The following TATDN1 variants were observed in gnomAD, a reference collection of about 807,000 sequenced individuals.
TATDN1 encodes deoxyribonuclease TATDN1.
Under a neutral mutation model 46.4 loss-of-function variants are expected in TATDN1, and 40 were observed. The observed-to-expected ratio is 0.86, with a 90% CI of 0.67 to 1.12. The LOEUF (loss-of-function observed/expected upper bound fraction) is 1.12, where lower values mean the gene tolerates loss of function less well. TATDN1 is among the 50% of genes most tolerant of loss of function. The probability of loss-of-function intolerance (pLI) is 0.00; values close to 1 mark genes in which losing one functional copy is unlikely to be tolerated. For missense variants in TATDN1, 326 were observed against 348.4 expected (o/e 0.94, Z 0.51); for synonymous variants, 95 against 105.6 (o/e 0.90, Z 0.62).
intron 9 of TATDN1, chr8:124,503,862 C>A (rs1301096212): frequency 7.9e-7 from 1 of 1,272,286 alleles, no homozygotes; most frequent in Non-Finnish European, 1.0e-6. Flanking sequence ...TTCTTTGAGC[C>A]TCGGTTTCTT....
chr8:124,506,443 G>A (rs1017542584), intron 8 of TATDN1, among the ~76,000 whole-genome samples: 2 of 151,598 alleles, frequency 1.3e-5, no homozygotes, highest in Non-Finnish European at 2.9e-5. Flanking sequence ...TAATCCCAAC[G>A]GCATTAGTTA....
chr8:124,498,648 T>G lies in TATDN1; in HGVS notation c.594-3106A>C, dbSNP rs186778777. ...CTAAGCTTTCTCTTTCAGTTTCACCTGTCTTCAGAAATCTACAGAACAGAC... is the reference window on the plus strand; with the variant it reads ...CTAAGCTTTCTCTTTCAGTTTCACCGGTCTTCAGAAATCTACAGAACAGAC... On this transcript the variant is annotated intron_variant, in intron 9 of 11. Transcript: ENST00000276692. Among the ~76,000 whole-genome samples the G allele has an allele frequency of 2.6e-5, 4 of 152,260 alleles. No individual in the cohort carries two copies. The East Asian group carries it at 7.7e-4, about 29-fold the overall frequency.
chr8:124,532,958 A>G (rs1015220280), intron 1 of TATDN1, among the ~76,000 whole-genome samples: 6 of 152,194 alleles, frequency 3.9e-5, no homozygotes, highest in Non-Finnish European at 8.8e-5. Context: ...ATCTCTTATT[A>G]AAGGCAAAAC....
At chr8:124,526,013 A>G (rs1158938413) in intron 1 of TATDN1, among the ~76,000 whole-genome samples, 1 of 152,224 alleles carries the variant, frequency 6.6e-6, no homozygotes, top group African/African-American at 2.4e-5. Flanking sequence ...TGAGCTACAT[A>G]ATTACTTCTT....
chr8:124,516,275 G>C (rs1477207480), intron 4 of TATDN1, among the ~76,000 whole-genome samples: 1 of 151,730 alleles, frequency 6.6e-6, no homozygotes, highest in Admixed American at 6.6e-5. Context: ...TCTAAAGCTT[G>C]GCATTTAGGG....
At chr8:124,489,403 C>CTTTTTTTTTTTTTTT (rs11443180) in intron 11 of TATDN1, 1 of 146,744 alleles carries the variant, frequency 6.8e-6, no homozygotes, top group Non-Finnish European at 1.5e-5. Flanking sequence ...TCTTTCCTTT[C>CTTTTTTTTTTTTTTT]TTTTTTTTTT....
intron 1 of TATDN1, among the ~76,000 whole-genome samples, chr8:124,536,753 A>C (rs1821459116): frequency 6.6e-6 from 1 of 152,184 alleles, no homozygotes; most frequent in Non-Finnish European, 1.5e-5. Flanking sequence ...GTTTTTCAAA[A>C]TATTGTTCAG....
intron 6 of TATDN1, among the ~76,000 whole-genome samples, chr8:124,512,978 G>C (rs965687642): frequency 1.3e-5 from 2 of 151,702 alleles, no homozygotes; most frequent in South Asian, 4.2e-4. Flanking sequence ...CCAATGTCAC[G>C]ATCTTGGCTC....
At chr8:124,497,110 A>G (rs1366071026) in intron 9 of TATDN1, among the ~76,000 whole-genome samples, 1 of 152,134 alleles carries the variant, frequency 6.6e-6, no homozygotes, top group African/African-American at 2.4e-5. Flanking sequence ...GCAATTGGTC[A>G]TTGTCTTCTG....
intron 4 of TATDN1, 147 bp from the exon 5 acceptor site, chr8:124,516,177 A>G: frequency 3.3e-6 from 2 of 605,694 alleles, no homozygotes; most frequent in Non-Finnish European, 5.1e-6. Context: ...CATTATGTTA[A>G]TCATATGACA....
At chr8:124,535,338 A>C (rs530658102) in intron 1 of TATDN1, among the ~76,000 whole-genome samples, 1 of 152,380 alleles carries the variant, frequency 6.6e-6, no homozygotes, top group African/African-American at 2.4e-5. Flanking sequence ...AATAGAGATC[A>C]CGTGGCCCTC....
chr8:124,530,016 G>A (rs544008972), intron 1 of TATDN1, among the ~76,000 whole-genome samples: 5 of 152,182 alleles, frequency 3.3e-5, no homozygotes, highest in South Asian at 2.1e-4. Context: ...GCTTGAACCC[G>A]GGAGGCGGAG....
intron 6 of TATDN1, among the ~76,000 whole-genome samples, chr8:124,511,730 T>C (rs1490099822): frequency 2.0e-5 from 3 of 152,142 alleles, no homozygotes; most frequent in Non-Finnish European, 4.4e-5. Context: ...AAAAAAACTT[T>C]TAAAAGTTCC....
Position 124,488,500 on chromosome 8 carries a change from T to C in TATDN1, c.*94A>G. The C allele has an allele frequency of 6.0e-6, 4 of 665,572 alleles. No homozygotes were observed. Among genetic ancestry groups the C allele is most frequent in the Non-Finnish European group, 1.1e-5 (4 of 379,304 alleles). The allele number at this position is 665,572 out of a possible 1,614,324, so 41.2% of individuals were successfully genotyped here. ...TGTGTACCGATATATAGTATTTCTT[T>C]AGACAACTTGCAGATAATTTCTTTA... On this transcript the variant is annotated 3_prime_UTR_variant, in exon 12 of 12. Transcript: ENST00000276692.
At chr8:124,512,266 T>C (rs1050124716) in intron 6 of TATDN1, among the ~76,000 whole-genome samples, 7 of 151,908 alleles carry the variant, frequency 4.6e-5, no homozygotes, top group Admixed American at 3.9e-4. Flanking sequence ...CTACTAAAAA[T>C]ACAAAAAAAT....
At chr8:124,501,857 G>A (rs1041611305) in intron 9 of TATDN1, among the ~76,000 whole-genome samples, 1 of 151,984 alleles carries the variant, frequency 6.6e-6, no homozygotes, top group African/African-American at 2.4e-5. Flanking sequence ...ACACACCTTC[G>A]TGAAATTTCA....
chr8:124,533,008 T>G (rs1199486326), intron 1 of TATDN1, among the ~76,000 whole-genome samples: 1 of 152,102 alleles, frequency 6.6e-6, no homozygotes, highest in Admixed American at 6.5e-5. Context: ...ATCCCAGCAC[T>G]TTAGGAGGCC....
At chr8:124,525,664 G>A (rs552012248) in intron 1 of TATDN1, among the ~76,000 whole-genome samples, 1 of 152,302 alleles carries the variant, frequency 6.6e-6, no homozygotes, top group Admixed American at 6.5e-5. Context: ...TGGGAACACT[G>A]TTATTACAAA....
intron 8 of TATDN1, among the ~76,000 whole-genome samples, chr8:124,507,485 T>A (rs1408421964): frequency 6.6e-6 from 1 of 152,080 alleles, no homozygotes; most frequent in Non-Finnish European, 1.5e-5. Flanking sequence ...AGCATTAGGA[T>A]GTGTAGAATT....
Sources: gnomAD v4.1 joint callset for allele counts (sites outside exome capture counted in the v4.1 genomes callset) on GRCh38, gnomAD v4.1.1 for gene constraint, MANE v1.5 for transcripts, NCBI Gene and HGNC (gene_info 2026-07-23, HGNC 2026-07-21) for gene names.